The following DAP3 variants were observed in gnomAD, a reference collection of about 807,000 sequenced individuals.
DAP3 encodes the protein death associated protein 3.
DAP3 carries 28 observed loss-of-function variants against 51.9 expected under a neutral mutation model. The observed-to-expected ratio is 0.54, with a 90% CI of 0.40 to 0.74. DAP3 has a LOEUF of 0.74. Among genes scored for constraint, DAP3 ranks in the 30% least tolerant of loss-of-function variants. The pLI, the probability that DAP3 is intolerant of heterozygous loss-of-function variation, is 0.00. For missense variants in DAP3, 458 were observed against 483.5 expected (o/e 0.95, Z 0.49); for synonymous variants, 170 against 170.3 (o/e 1.00, Z 0.01).
In DAP3 at chr1:155,725,910, A is replaced by G. The variant is rs372135442; in HGVS notation, c.380-17A>G. On this transcript the variant is annotated splice_polypyrimidine_tract_variant and intron_variant, in intron 5 of 12. Transcript: ENST00000368336. Reference sequence around the variant, plus strand: ...TGATCCTTCCAGTCATGTTTTCTTTAACAACATATACTTTAGATGGAGAGA... The same window carrying G: ...TGATCCTTCCAGTCATGTTTTCTTTGACAACATATACTTTAGATGGAGAGA... 61 of 1,608,298 alleles carry G rather than the reference A, an allele frequency of 3.8e-5. No homozygotes were observed. The African/African-American group carries it at 7.2e-4, about 19-fold the overall frequency.
At position 155,738,254 on chromosome 1, in the gene DAP3, A is replaced by G. The variant is rs1241817090; in HGVS notation, c.*12A>G. ...GTGCCTACCTCTAAGCCAAGATCAC[A>G]GCATGTGAGGAAGACAGTGGACATC... On this transcript the variant is annotated 3_prime_UTR_variant, in exon 13 of 13. Coordinates refer to ENST00000368336, the MANE Select transcript of DAP3 (RefSeq NM_004632.4). The G allele has an allele frequency of 4.3e-6, 7 of 1,614,002 alleles. No homozygotes were observed. Among genetic ancestry groups the G allele is most frequent in the East Asian group, 2.2e-5 (1 of 44,898 alleles).
chr1:155,735,764 C>T (rs1659711353), intron 11 of DAP3, among the ~76,000 whole-genome samples: 1 of 151,504 alleles, frequency 6.6e-6, no homozygotes, highest in African/African-American at 2.4e-5. Flanking sequence ...CTCCACCTCC[C>T]AGGTTCAAGT....
chr1:155,737,771 C>CAA (rs61306527), intron 12 of DAP3, among the ~76,000 whole-genome samples: 2,085 of 138,190 alleles, frequency 0.015, 14 homozygotes, highest in Middle Eastern at 0.094. Context: ...TTGAAAAAAG[C>CAA]AAAAAAAAAA....
upstream of DAP3, chr1:155,688,714 TC>T (rs1244480986): frequency 7.6e-7 from 1 of 1,322,688 alleles, no homozygotes; most frequent in East Asian, 3.0e-5. Flanking sequence ...TCCCCCTCCC[TC>T]CCCGCCCGCA....
chr1:155,737,450 A>G (rs543604543), intron 12 of DAP3, among the ~76,000 whole-genome samples: 49 of 152,294 alleles, frequency 3.2e-4, no homozygotes, highest in African/African-American at 1.2e-3. Context: ...CCAGCACCTA[A>G]GTAAATCTTT....
chr1:155,712,612 C>CAAAAA (rs61338392), intron 2 of DAP3, among the ~76,000 whole-genome samples: 1 of 55,500 alleles, frequency 1.8e-5, no homozygotes, highest in African/African-American at 7.2e-5. Context: ...AACTCCGTCT[C>CAAAAA]AAAAAAAAAA....
chr1:155,716,965 A>G (rs779724693), intron 2 of DAP3, 41 bp from the exon 3 acceptor site: 3 of 1,571,676 alleles, frequency 1.9e-6, no homozygotes, highest in East Asian at 2.3e-5. Flanking sequence ...AAAAAAAAAA[A>G]GTTTGATAAC....
At chr1:155,737,536 C>T (rs1659931252) in intron 12 of DAP3, among the ~76,000 whole-genome samples, 1 of 152,114 alleles carries the variant, frequency 6.6e-6, no homozygotes, top group Non-Finnish European at 1.5e-5. Flanking sequence ...GAAAGCATTC[C>T]AACTGTTCAT....
At chr1:155,714,095 A>G (rs554936436) in intron 2 of DAP3, among the ~76,000 whole-genome samples, 23 of 152,356 alleles carry the variant, frequency 1.5e-4, no homozygotes, top group Non-Finnish European at 2.6e-4. Context: ...GTATAGAGGC[A>G]TAAAAGTGAC....
intron 1 of DAP3, among the ~76,000 whole-genome samples, chr1:155,693,618 A>G (rs1654147576): frequency 7.0e-6 from 1 of 142,126 alleles, no homozygotes; most frequent in African/African-American, 3.2e-5. Flanking sequence ...TAGGGGACCA[A>G]TCAGTGACAA....
At chr1:155,711,573 A>G (rs1656714819) in intron 2 of DAP3, among the ~76,000 whole-genome samples, 1 of 144,074 alleles carries the variant, frequency 6.9e-6, no homozygotes, top group Non-Finnish European at 1.5e-5. Context: ...TGTTGGTGAG[A>G]GAAAGTTTTG....
intron 11 of DAP3, chr1:155,736,660 G>A: frequency 2.7e-6 from 1 of 377,190 alleles, no homozygotes; most frequent in Non-Finnish European, 4.9e-6. Flanking sequence ...CAAGCAATAT[G>A]CCCATCTCAG....
chr1:155,693,338 C>G (rs1189885789), intron 1 of DAP3, among the ~76,000 whole-genome samples: 1 of 141,978 alleles, frequency 7.0e-6, no homozygotes, highest in East Asian at 1.9e-4. Context: ...TGAAGTCTCT[C>G]ACCTTTTCCC....
chr1:155,718,751 T>TAGATAG (rs1657647124), intron 3 of DAP3, among the ~76,000 whole-genome samples: 2 of 146,942 alleles, frequency 1.4e-5, no homozygotes, highest in Admixed American at 6.8e-5. Context: ...TAGATAGATA[T>TAGATAG]AGATATAGAT....
rs758874492 is a variant in DAP3, at chr1:155,728,459, G to A, written c.604-583G>A. 4.2e-4 allele frequency among the ~76,000 whole-genome samples: 64 copies of A among 152,150 alleles called. 1 individual carries two copies. Among genetic ancestry groups the A allele is most frequent in the Admixed American group, 1.2e-3 (19 of 15,260 alleles). ...CGCCTGTAGGCCCATCTATTCAGGA[G>A]GCTGAGGCAGGGGAATCTCTTGAAC... On this transcript the variant is annotated intron_variant, in intron 7 of 12. Transcript: ENST00000368336.
At chr1:155,732,233 C>CT (rs202209826) in intron 11 of DAP3, 200 bp downstream of exon 11, 95,492 of 275,128 alleles carry the variant, frequency 0.35, 11,785 homozygotes, top group East Asian at 0.54. Context: ...AGTTTCTTTT[C>CT]TTTTTTTTTT....
chr1:155,698,837 T>G (rs1654832379), intron 1 of DAP3, among the ~76,000 whole-genome samples: 1 of 152,240 alleles, frequency 6.6e-6, no homozygotes, highest in Admixed American at 6.5e-5. Context: ...TTTGTGTCCC[T>G]AGCTTTCTCC....
chr1:155,709,860 T>A (rs1189580093), intron 2 of DAP3, 36 bp downstream of exon 2: 6 of 1,590,096 alleles, frequency 3.8e-6, no homozygotes, highest in Middle Eastern at 1.7e-4. Flanking sequence ...CTGTGCATAC[T>A]GCCTTTAGGT....
chr1:155,692,938 G>A (rs919958631), intron 1 of DAP3, among the ~76,000 whole-genome samples: 1 of 141,984 alleles, frequency 7.0e-6, no homozygotes, highest in Non-Finnish European at 1.5e-5. Flanking sequence ...ATATTCTGCA[G>A]TTTGAACAGA....
Sources: gnomAD v4.1 joint callset for allele counts (sites outside exome capture counted in the v4.1 genomes callset) on GRCh38, gnomAD v4.1.1 for gene constraint, MANE v1.5 for transcripts, NCBI Gene and HGNC (gene_info 2026-07-23, HGNC 2026-07-21) for gene names.